UBA6: variants seen among roughly 807,000 people sequenced by gnomAD.
UBA6 encodes ubiquitin like modifier activating enzyme 6.
A neutral mutation model predicts 148.3 loss-of-function variants in UBA6; 87 were observed. That is an observed-to-expected ratio of 0.59 (90% CI 0.49 to 0.70). The LOEUF (loss-of-function observed/expected upper bound fraction) is 0.70, where lower values mean the gene tolerates loss of function less well. UBA6 is among the 30% of genes least tolerant of loss of function. The pLI is 0.00. For synonymous variants in UBA6, 376 were observed against 401.0 expected, an observed-to-expected ratio of 0.94 and a Z score of 0.75; for missense variants, 1,186 against 1,241.2, an observed-to-expected ratio of 0.96 and a Z score of 0.67.
chr4:67,673,620 T>TGGA, intron 7 of UBA6, 77 bp downstream of exon 7: 3 of 878,972 alleles, frequency 3.4e-6, no homozygotes, highest in Non-Finnish European at 5.5e-6. Flanking sequence ...ATATAACCCA[T>TGGA]CAATGAGTTA....
chr4:67,662,438 C>T, intron 12 of UBA6, 183 bp from the exon 13 acceptor site: 1 of 495,758 alleles, frequency 2.0e-6, no homozygotes, highest in Non-Finnish European at 3.5e-6. Flanking sequence ...CAAAATCACA[C>T]TTATATCAGT....
chr4:67,624,732 A>G (rs939860184), intron 29 of UBA6, among the ~76,000 whole-genome samples: 10 of 152,248 alleles, frequency 6.6e-5, no homozygotes, highest in African/African-American at 2.2e-4. Flanking sequence ...AATGACGTAA[A>G]GATCAGTGAA....
intron 8 of UBA6, among the ~76,000 whole-genome samples, chr4:67,670,222 G>A (rs979437347): frequency 1.3e-5 from 2 of 152,188 alleles, no homozygotes; most frequent in Non-Finnish European, 2.9e-5. Flanking sequence ...GGGATTGTAG[G>A]CGTGAGCCAC....
intron 13 of UBA6, among the ~76,000 whole-genome samples, chr4:67,653,157 G>T (rs1021064715): frequency 1.3e-5 from 2 of 152,204 alleles, no homozygotes; most frequent in African/African-American, 4.8e-5. Flanking sequence ...CTGTCTGACA[G>T]CACTGAAGAG....
At position 67,617,985 on chromosome 4, in the gene UBA6, C is replaced by T. The variant is rs1180229178; in HGVS notation, c.*1012G>A. ...ACCTTAAAAAATAAATTTTTATCTT[C>T]ATTAACTCCCTTTCTGGGAATGGGA... On this transcript the variant is annotated 3_prime_UTR_variant, in exon 33 of 33. Coordinates refer to ENST00000322244, the MANE Select transcript of UBA6 (RefSeq NM_018227.6). 3 of 144,080 alleles carry T rather than the reference C, an allele frequency of 2.1e-5. No individual in the cohort carries two copies. Among genetic ancestry groups the T allele is most frequent in the Non-Finnish European group, 4.5e-5 (3 of 66,164 alleles). The allele number at this position is 144,080 out of a possible 1,614,324, so 8.9% of individuals were successfully genotyped here.
chr4:67,699,726 C>G (rs555836739), intron 1 of UBA6, among the ~76,000 whole-genome samples: 1 of 152,236 alleles, frequency 6.6e-6, no homozygotes, highest in South Asian at 2.1e-4. Context: ...CTTAGCCTCC[C>G]GAGTAGCTGG....
In UBA6 at chr4:67,652,631, G is replaced by C. The variant is rs532896582; in HGVS notation, c.1105-3420C>G. On this transcript the variant is annotated intron_variant, in intron 13 of 32. Transcript: ENST00000322244. ...TCGATGCAGAAGACAGGTGATTTCA[G>C]CATTTCCAACTGAGGTATCTGGTTC... Among the ~76,000 whole-genome samples, 46 of 152,304 alleles carry C rather than the reference G, an allele frequency of 3.0e-4. 1 individual carries two copies. The South Asian group carries it at 9.5e-3, about 32-fold the overall frequency.
intron 19 of UBA6, among the ~76,000 whole-genome samples, chr4:67,636,841 G>T (rs1729158608): frequency 6.6e-6 from 1 of 152,028 alleles, no homozygotes; most frequent in Non-Finnish European, 1.5e-5. Flanking sequence ...GAGCGTCTCT[G>T]CCTGGCCGCC....
intron 18 of UBA6, among the ~76,000 whole-genome samples, chr4:67,640,455 A>G (rs1175280614): frequency 9.2e-5 from 14 of 152,070 alleles, no homozygotes; most frequent in South Asian, 2.1e-4. Flanking sequence ...TAAAGAAAAA[A>G]CTTCTTTTTG....
chr4:67,663,992 T>G, intron 10 of UBA6, 45 bp from the exon 11 acceptor site: 1 of 1,490,190 alleles, frequency 6.7e-7, no homozygotes, highest in African/African-American at 1.4e-5. Flanking sequence ...AGTGAGTGAT[T>G]ATTTGACAAA....
rs1038586418 is a variant in UBA6, at chr4:67,624,185, G to A, written c.2781C>T (p.Asn927=). 1.2e-6 allele frequency: 2 copies of A among 1,609,796 alleles called. No individual in the cohort carries two copies. The highest frequency in any genetic ancestry group is 1.7e-6 in the Non-Finnish European group (2 of 1,178,112). ...TAAATACTACAATTGGAATGGCTAA[G>A]TTAAGAAAACAATTTTTGTAAGCTT... ...PFEAYKNCFL[N]LAIPIVVFTE... is the part of the protein sequence containing the mutation. Residue 927 remains asparagine (N), a synonymous_variant, in exon 30 of 33, where the codon AAC becomes AAT. Coordinates refer to ENST00000322244, the MANE Select transcript of UBA6 (RefSeq NM_018227.6).
At chr4:67,630,381 A>G in intron 26 of UBA6, 85 bp downstream of exon 26, 1 of 866,130 alleles carries the variant, frequency 1.2e-6, no homozygotes. Context: ...ATAACAAACA[A>G]ACATGTTTTG....
intron 5 of UBA6, 27 bp from the exon 6 acceptor site, chr4:67,677,749 G>C (rs1310590941): frequency 8.0e-7 from 1 of 1,253,126 alleles, no homozygotes; most frequent in Non-Finnish European, 1.1e-6. Context: ...AATTTTTACT[G>C]TTCTTTAATT....
rs1372759743 is a variant in UBA6, at chr4:67,662,252, G to C, written c.1041C>G (p.Cys347Trp). The change falls in exon 13 of 33, where the codon TGC becomes TGG. Residue 347 changes from cysteine (C) to tryptophan (W), a missense_variant. By Grantham distance (215) the Cys-to-Trp change is radical. Transcript: ENST00000322244. The part of the protein sequence containing the change: ...EKYSRKPNVG[C>W]QQDSEELLKL... ...TCAACAGTTCTTCTGAATCTTGTTG[G>C]CATCTACAACTCAAAACAGAACACC... 1 of 1,612,986 alleles carries C rather than the reference G, an allele frequency of 6.2e-7. No homozygotes were observed. The highest frequency in any genetic ancestry group is 1.1e-5 in the South Asian group (1 of 90,994).
Position 67,615,836 on chromosome 4 carries a change from A to C in UBA6, c.*3161T>G, listed in dbSNP as rs1728613854. 2 of 256,776 alleles carry C rather than the reference A, an allele frequency of 7.8e-6. No individual in the cohort carries two copies. Among genetic ancestry groups the C allele is most frequent in the African/African-American group, 2.2e-5 (1 of 45,636 alleles). 15.9% of individuals were successfully genotyped at this position (256,776 alleles called of 1,614,324 possible). On this transcript the variant is annotated 3_prime_UTR_variant, in exon 33 of 33. Coordinates refer to ENST00000322244, the MANE Select transcript of UBA6 (RefSeq NM_018227.6). ...ACACACATAGGTGGTAACACTATAA[A>C]AACAAAGAGACAATTATCATACAAG... is the stretch of plus-strand genomic sequence containing the variant.
intron 19 of UBA6, among the ~76,000 whole-genome samples, chr4:67,636,439 C>T (rs1287507148): frequency 2.6e-5 from 4 of 152,200 alleles, no homozygotes; most frequent in African/African-American, 9.7e-5. Context: ...CCTCTGATGC[C>T]GAGCCGAAGC....
rs1728619359 is a variant in UBA6 at position 67,616,043 on chromosome 4, T to C, written c.*2954A>G. On this transcript the variant is annotated 3_prime_UTR_variant, in exon 33 of 33. Coordinates refer to ENST00000322244, the MANE Select transcript of UBA6 (RefSeq NM_018227.6). The stretch of plus-strand genomic sequence containing the variant: ...TATATTTTATGTATTTTTGAATATA[T>C]ATGTGTTTTTGAAAAATATATATTT... The C allele has an allele frequency of 2.6e-6, 1 of 389,628 alleles. No homozygotes were observed. Among genetic ancestry groups the C allele is most frequent in the Non-Finnish European group, 4.5e-6 (1 of 220,064 alleles). The allele number at this position is 389,628 out of a possible 1,614,324, so 24.1% of individuals were successfully genotyped here.
At chr4:67,662,560 T>G (rs1192010642) in intron 12 of UBA6, 1 of 247,366 alleles carries the variant, frequency 4.0e-6, no homozygotes, top group African/African-American at 2.2e-5. Context: ...TGCCTCCTGG[T>G]TCAAGCGATT....
chr4:67,688,294 G>C (rs1211147326), intron 2 of UBA6, among the ~76,000 whole-genome samples: 1 of 152,094 alleles, frequency 6.6e-6, no homozygotes, highest in African/African-American at 2.4e-5. Flanking sequence ...ACCAAGCCTG[G>C]AGTCCTAAAT....
Sources: gnomAD v4.1 joint callset for allele counts (sites outside exome capture counted in the v4.1 genomes callset) on GRCh38, gnomAD v4.1.1 for gene constraint, MANE v1.5 for transcripts, NCBI Gene and HGNC (gene_info 2026-07-23, HGNC 2026-07-21) for gene names.